GDF1: variants seen among roughly 807,000 people sequenced by gnomAD.
GDF1 encodes the protein embryonic growth/differentiation factor 1.
In GDF1, 8 loss-of-function variants were observed where a neutral mutation model predicts 7.4. The ratio of observed to expected loss-of-function variants is 1.09; its 90% confidence interval spans 0.64 to 1.96. The LOEUF (loss-of-function observed/expected upper bound fraction) is 1.96. Ranked by LOEUF, GDF1 falls within the 30% of genes most tolerant of loss-of-function variation. The probability of loss-of-function intolerance (pLI) is 0.00; values close to 1 mark genes in which losing one functional copy is unlikely to be tolerated. For synonymous variants in GDF1, 311 were observed against 276.7 expected (o/e 1.12, Z -1.23); for missense variants, 574 against 551.5 (o/e 1.04, Z -0.41).
In GDF1 at chr19:18,895,718, GC is replaced by G; in HGVS notation, c.-1074+105del. The G allele has an allele frequency of 5.4e-6, 3 of 550,878 alleles. No homozygotes were observed. The highest frequency in any genetic ancestry group is 7.5e-6 in the Non-Finnish European group (3 of 400,938). 34.1% of individuals were successfully genotyped at this position (550,878 alleles called of 1,614,324 possible). A position where few individuals can be genotyped will look rare whatever the true frequency, so the allele number is the denominator to read the frequency against. On this transcript the variant is annotated intron_variant, in intron 1 of 7. Transcript: ENST00000247005. The surrounding 1 kb of genome is among the most constrained non-coding windows in gnomAD (Gnocchi z 6.4). ...CCACGTTCCGGCGACCCCTTCATCC[GC>G]AGCAGCCAGCGCTGGAAGAAAGGAA...
In GDF1 at chr19:18,895,886, G is replaced by C; in HGVS notation, c.-1136C>G. The stretch of plus-strand genomic sequence containing the variant: ...GTCCAGCCCAGCGCGCCGAGCGCCA[G>C]CAGCAGCAGCTCGGGCGGCGCCAGG... On this transcript the variant is annotated 5_prime_UTR_variant, in exon 1 of 8. Coordinates refer to ENST00000247005, the MANE Select transcript of GDF1 (RefSeq NM_001492.6). This position sits in a 1 kb window ranked among gnomAD's most constrained non-coding sequence, Gnocchi z 6.4. 1 of 1,254,016 alleles carries C rather than the reference G, an allele frequency of 8.0e-7. No homozygotes were observed. Among genetic ancestry groups the C allele is most frequent in the South Asian group, 2.2e-5 (1 of 45,626 alleles). The allele number at this position is 1,254,016 out of a possible 1,614,324, so 77.7% of individuals were successfully genotyped here.
In GDF1 at chr19:18,869,097, C is replaced by A. The variant is rs1438878646; in HGVS notation, c.619G>T (p.Ala207Ser). ...AGGCGGAGGCTGCGCGGCCATGAGG[C>A]GTTGCGAGCCCAAGCGGCGCCCAGC... is the stretch of plus-strand genomic sequence containing the variant. Reference protein sequence around the residue: ...ELLGAAWARNASWPRSLRLAL... With the variant: ...ELLGAAWARNSSWPRSLRLAL... Residue 207 changes from alanine to serine, a missense_variant, in exon 8 of 8, where the codon GCC (alanine) becomes TCC (serine). Ala to Ser is a moderately conservative substitution (Grantham distance 99, BLOSUM62 1). Transcript: ENST00000247005. 8.4e-6 allele frequency: 9 copies of A among 1,077,114 alleles called. No homozygotes were observed. Among genetic ancestry groups the A allele is most frequent in the Non-Finnish European group, 1.0e-5 (9 of 888,390 alleles). The allele number at this position is 1,077,114 out of a possible 1,614,324, so 66.7% of individuals were successfully genotyped here.
chr19:18,875,287 T>G (rs2056041458), intron 6 of GDF1, among the ~76,000 whole-genome samples: 2 of 149,794 alleles, frequency 1.3e-5, no homozygotes, highest in African/African-American at 4.9e-5. Flanking sequence ...GGCTCACGCC[T>G]ATAATCCCAA....
chr19:18,886,482 G>C (rs1014274562), intron 2 of GDF1, among the ~76,000 whole-genome samples: 2 of 152,122 alleles, frequency 1.3e-5, no homozygotes, highest in Non-Finnish European at 2.9e-5. Flanking sequence ...CCTGAAGGGA[G>C]GCAGAGGTGG....
chr19:18,871,866 G>T (rs969556581), intron 6 of GDF1, among the ~76,000 whole-genome samples: 6 of 152,152 alleles, frequency 3.9e-5, no homozygotes, highest in Admixed American at 3.3e-4. Flanking sequence ...GTGGCTTCTC[G>T]ATTCTTCCCA....
intron 6 of GDF1, among the ~76,000 whole-genome samples, chr19:18,872,702 G>GTAT (rs1373137907): frequency 6.6e-6 from 1 of 151,800 alleles, no homozygotes; most frequent in Non-Finnish European, 1.5e-5. Context: ...TTTTAGTAGA[G>GTAT]ATGCGGTTTT....
intron 3 of GDF1, 146 bp from the exon 4 acceptor site, chr19:18,880,581 GC>G: frequency 2.7e-6 from 2 of 730,504 alleles, no homozygotes; most frequent in African/African-American, 1.8e-5. Context: ...CGCCTGCCCT[GC>G]CCATCTCCAC....
chr19:18,880,489 C>T, intron 3 of GDF1, 54 bp from the exon 4 acceptor site: 1 of 1,500,106 alleles, frequency 6.7e-7, no homozygotes, highest in Non-Finnish European at 9.0e-7. Flanking sequence ...GGGACCTCCA[C>T]TCTGCACTAA....
rs569888260 is a variant in GDF1 at position 18,870,934 on chromosome 19, G to A, written c.-312-315C>T. 1.3e-5 allele frequency among the ~76,000 whole-genome samples: 2 copies of A among 152,084 alleles called. No homozygotes were observed. Among genetic ancestry groups the A allele is most frequent in the South Asian group, 4.2e-4 (2 of 4,818 alleles). ...CAGGCCGCTGGAGGGCAAAACCCAC[G>A]TACCGGCCTGGGCCTGACAACTCCA... On this transcript the variant is annotated intron_variant, in intron 6 of 7. Coordinates refer to ENST00000247005, the MANE Select transcript of GDF1 (RefSeq NM_001492.6). This position sits in a 1 kb window ranked among gnomAD's most constrained non-coding sequence, Gnocchi z 5.1.
chr19:18,869,412 C>A (rs757906133), intron 7 of GDF1, 22 bp from the exon 8 acceptor site: 3 of 1,525,716 alleles, frequency 2.0e-6, no homozygotes, highest in Non-Finnish European at 2.6e-6. Context: ...GGAACAGGAA[C>A]TCGGCTCGCG....
intron 3 of GDF1, among the ~76,000 whole-genome samples, chr19:18,881,224 T>G (rs1193688972): frequency 6.6e-6 from 1 of 151,246 alleles, no homozygotes; most frequent in African/African-American, 2.4e-5. Context: ...TTTTTTAATT[T>G]TTTTTTTTTT....
Position 18,879,315 on chromosome 19 carries a change from G to T in GDF1, c.-497C>A. On this transcript the variant is annotated 5_prime_UTR_variant, in exon 5 of 8. The change creates a premature stop within an existing upstream ORF in the 5' untranslated region. Coordinates refer to ENST00000247005, the MANE Select transcript of GDF1 (RefSeq NM_001492.6). ...AAGAAGAAGTAGAAGGGGATGTCAG[G>T]CACCGTGCGCAGACTGCAGTGACTG... 2 of 1,610,900 alleles carry T rather than the reference G, an allele frequency of 1.2e-6. No homozygotes were observed. Among genetic ancestry groups the T allele is most frequent in the East Asian group, 2.2e-5 (1 of 44,792 alleles).
intron 2 of GDF1, among the ~76,000 whole-genome samples, chr19:18,892,204 T>G (rs995964245): frequency 6.6e-6 from 1 of 151,620 alleles, no homozygotes. Flanking sequence ...GGCTTCATCA[T>G]GTTTATCTCC....
intron 7 of GDF1, among the ~76,000 whole-genome samples, chr19:18,869,604 C>T (rs1474467935): frequency 1.4e-5 from 2 of 143,364 alleles, no homozygotes; most frequent in Admixed American, 6.9e-5. Flanking sequence ...GTGGGCTGCC[C>T]TCGGCGGGGG....
chr19:18,868,905 G>T lies in GDF1; in HGVS notation c.811C>A (p.Arg271=), dbSNP rs1173969061. Residue 271 remains arginine, a synonymous_variant, in exon 8 of 8, where the codon CGG becomes AGG. Transcript: ENST00000247005. ...ACCTCGCGGAAGCTCACGTACAGCC[G>T]CCGCGCGCGACAAGCGCCCCCGGGG... ...GGPGGACRAR[R]LYVSFREVGW... is the part of the protein sequence containing the mutation. The T allele has an allele frequency of 7.2e-7, 1 of 1,386,094 alleles. No individual in the cohort carries two copies. Among genetic ancestry groups the T allele is most frequent in the East Asian group, 3.9e-5 (1 of 25,824 alleles). 85.9% of individuals were successfully genotyped at this position (1,386,094 alleles called of 1,614,324 possible).
intron 3 of GDF1, 121 bp downstream of exon 3, chr19:18,883,966 C>A: frequency 2.7e-6 from 3 of 1,099,384 alleles, no homozygotes; most frequent in East Asian, 2.6e-5. Flanking sequence ...ACCTTGGAAC[C>A]CTGAGCACTC....
At chr19:18,891,782 G>C (rs57534766) in intron 2 of GDF1, among the ~76,000 whole-genome samples, 2 of 151,596 alleles carry the variant, frequency 1.3e-5, no homozygotes, top group South Asian at 4.2e-4. Context: ...TGTTGCCCCA[G>C]CTGCTCTTGA....
intron 4 of GDF1, among the ~76,000 whole-genome samples, chr19:18,879,820 GCCC>G (rs915915500): frequency 1.6e-5 from 1 of 63,822 alleles, no homozygotes; most frequent in Non-Finnish European, 3.0e-5. Context: ...ACCTCACCAA[GCCC>G]CCACCTCCTT....
At chr19:18,880,483 C>T in intron 3 of GDF1, 48 bp from the exon 4 acceptor site, 1 of 1,515,472 alleles carries the variant, frequency 6.6e-7, no homozygotes, top group South Asian at 1.3e-5. Context: ...CATTGGGGGA[C>T]CTCCACTCTG....
Sources: gnomAD v4.1 joint callset for allele counts (sites outside exome capture counted in the v4.1 genomes callset) on GRCh38, gnomAD v4.1.1 for gene constraint, Gnocchi (gnomAD v3.1) non-coding constraint, MANE v1.5 for transcripts, NCBI Gene and HGNC (gene_info 2026-07-23, HGNC 2026-07-21) for gene names.